Variants in SAG observed in about 807,000 individuals in gnomAD.
SAG encodes S-arrestin.
Under a neutral mutation model 55.0 loss-of-function variants are expected in SAG, and 45 were observed. The ratio of observed to expected loss-of-function variants is 0.82; its 90% CI spans 0.64 to 1.05. SAG has a LOEUF of 1.05. Among genes scored for constraint, SAG ranks in the 50% least tolerant of loss-of-function variants. The pLI is 0.00. For missense variants in SAG, 455 were observed against 512.1 expected (o/e 0.89, Z 1.08); for synonymous variants, 189 against 197.4 (o/e 0.96, Z 0.36).
chr2:233,308,143 A>G (rs1017407682), intron 1 of SAG, 121 bp downstream of exon 1: 2 of 152,310 alleles, frequency 1.3e-5, no homozygotes, highest in African/African-American at 4.8e-5. Context: ...TGTGGTTTCC[A>G]TAAGACTTGG....
At chr2:233,346,500 C>CAT (rs1403534776) in intron 15 of SAG, 88 bp downstream of exon 15, 1 of 1,405,566 alleles carries the variant, frequency 7.1e-7, no homozygotes, top group Non-Finnish European at 1.0e-6. Context: ...AGTCTTTGCA[C>CAT]ATATCCCAAG....
In SAG at chr2:233,309,209, C is replaced by G; in HGVS notation, c.20C>G (p.Thr7Ser). The change falls in exon 2 of 16, where the codon ACC (threonine) becomes AGC (serine). Residue 7 changes from threonine to serine, a missense_variant. Transcript: ENST00000409110. ...GATAACATGGCAGCCAGCGGGAAGA[C>G]CAGCAAGTCCGAACCGAACCATGTT... Reference protein sequence around the residue: MAASGKTSKSEPNHVIF... With the variant: MAASGKSSKSEPNHVIF... The G allele has an allele frequency of 1.2e-6, 2 of 1,613,742 alleles. No homozygotes were observed. Among genetic ancestry groups the G allele is most frequent in the Non-Finnish European group, 1.7e-6 (2 of 1,179,770 alleles).
intron 2 of SAG, among the ~76,000 whole-genome samples, chr2:233,314,470 G>A (rs986832176): frequency 1.3e-5 from 2 of 152,198 alleles, no homozygotes; most frequent in Non-Finnish European, 2.9e-5. Context: ...CAGAAGACCA[G>A]GGAATCTACT....
intron 6 of SAG, among the ~76,000 whole-genome samples, chr2:233,326,657 G>A (rs539007950): frequency 4.8e-4 from 73 of 152,104 alleles, no homozygotes; most frequent in Non-Finnish European, 9.6e-4. Flanking sequence ...GGCTGCCGCT[G>A]AACAGCAGGT....
At chr2:233,331,363 G>T (rs1700756689) in intron 9 of SAG, among the ~76,000 whole-genome samples, 1 of 152,214 alleles carries the variant, frequency 6.6e-6, no homozygotes, top group South Asian at 2.1e-4. Context: ...GTTAGAAAGG[G>T]CTGAGCAGGG....
chr2:233,310,545 T>C (rs1397107154), intron 2 of SAG, among the ~76,000 whole-genome samples: 1 of 144,804 alleles, frequency 6.9e-6, no homozygotes. Flanking sequence ...AGTCTCACTC[T>C]GTCACCGAGG....
intron 1 of SAG, among the ~76,000 whole-genome samples, chr2:233,308,337 C>T (rs557847382): frequency 6.6e-6 from 1 of 152,224 alleles, no homozygotes; most frequent in South Asian, 2.1e-4. Context: ...GGCATGGTGT[C>T]ACACACCTGT....
intron 4 of SAG, among the ~76,000 whole-genome samples, chr2:233,320,279 C>G (rs1302533981): frequency 2.0e-5 from 3 of 152,312 alleles, no homozygotes; most frequent in Admixed American, 2.0e-4. Context: ...CCTCTAGAAC[C>G]TGAGCAGCCA....
chr2:233,311,892 A>T (rs1700084377), intron 2 of SAG, among the ~76,000 whole-genome samples: 1 of 152,210 alleles, frequency 6.6e-6, no homozygotes, highest in South Asian at 2.1e-4. Context: ...TTGGGAGGCC[A>T]AGGCAGGTGG....
chr2:233,323,625 A>T (rs1574937293), intron 6 of SAG, among the ~76,000 whole-genome samples: 1 of 152,278 alleles, frequency 6.6e-6, no homozygotes, highest in South Asian at 2.1e-4. Flanking sequence ...GGCCTCCCAA[A>T]GTCCTGGGAT....
chr2:233,314,626 G>A (rs1047107440), intron 2 of SAG, among the ~76,000 whole-genome samples: 5 of 152,230 alleles, frequency 3.3e-5, no homozygotes, highest in African/African-American at 9.6e-5. Context: ...CAGGTGCCAG[G>A]CTTCCACACC....
intron 14 of SAG, chr2:233,345,353 C>T (rs1701220367): frequency 6.6e-6 from 1 of 152,250 alleles, no homozygotes; most frequent in Non-Finnish European, 1.5e-5. Context: ...TCTCAGGCCT[C>T]TGAAGCCTGA....
intron 14 of SAG, chr2:233,343,595 A>G (rs1009006015): frequency 1.0e-6 from 1 of 971,188 alleles, no homozygotes; most frequent in African/African-American, 1.7e-5. Flanking sequence ...TGTATGATAT[A>G]TGAATTTGAT....
intron 3 of SAG, among the ~76,000 whole-genome samples, chr2:233,317,318 C>T (rs1700240049): frequency 6.6e-6 from 1 of 152,218 alleles, no homozygotes; most frequent in African/African-American, 2.4e-5. Flanking sequence ...CCGGAAAGAA[C>T]CAAAATGTTT....
At chr2:233,331,547 G>A (rs1027873750) in intron 9 of SAG, 93 bp from the exon 10 acceptor site, 3 of 794,054 alleles carry the variant, frequency 3.8e-6, no homozygotes, top group Non-Finnish European at 6.7e-6. Flanking sequence ...TCATCAGAGA[G>A]GAGAGACCAG....
intron 7 of SAG, 81 bp from the exon 8 acceptor site, chr2:233,328,397 G>T: frequency 6.7e-7 from 1 of 1,502,998 alleles, no homozygotes; most frequent in Non-Finnish European, 9.1e-7. Flanking sequence ...GAATCTCCAT[G>T]TGACAGTGGG....
At chr2:233,310,695 CAG>C (rs1286586158) in intron 2 of SAG, among the ~76,000 whole-genome samples, 1 of 151,976 alleles carries the variant, frequency 6.6e-6, no homozygotes, top group Non-Finnish European at 1.5e-5. Context: ...TTAGTAGAGA[CAG>C]GGTTTCACCA....
rs397514681 is a variant in SAG, at chr2:233,335,029, C to T, written c.874C>T (p.Arg292Ter). The T allele has an allele frequency of 3.0e-5, 49 of 1,613,874 alleles. 1 individual carries two copies. In the South Asian group the frequency reaches 4.5e-4, roughly 15 times the overall value. ...LTLLPLLANN[R>*]ERRGIALDGK... ...GCTGCTGCCCTTGCTGGCTAACAAT[C>T]GAGAAAGGAGAGGCATTGCCCTGGA... The change falls in exon 11 of 16, where the codon CGA becomes TGA. Residue 292 changes from arginine (R) to a stop codon, truncating the protein, a stop_gained. Transcript: ENST00000409110. LOFTEE classifies it high-confidence loss of function.
At chr2:233,322,832 T>C in intron 5 of SAG, 114 bp from the exon 6 acceptor site, 2 of 710,878 alleles carry the variant, frequency 2.8e-6, no homozygotes, top group Non-Finnish European at 4.8e-6. Context: ...GTGAATGTGA[T>C]TTTTCTTTTT....
Sources: allele counts gnomAD v4.1 joint callset (sites outside exome capture counted in the v4.1 genomes callset), GRCh38; gene constraint gnomAD v4.1.1; transcripts MANE v1.5; gene names NCBI Gene and HGNC (gene_info 2026-07-23, HGNC 2026-07-21).